Variants in RECQL4 observed in about 807,000 individuals in gnomAD.
The protein encoded by RECQL4 is ATP-dependent DNA helicase Q4.
A neutral mutation model predicts 128.6 loss-of-function variants in RECQL4; 158 were observed. The ratio of observed to expected loss-of-function variants is 1.23; its 90% CI spans 1.08 to 1.40. RECQL4 has a LOEUF of 1.40. Among genes scored for constraint, RECQL4 ranks in the 40% most tolerant of loss-of-function variants. The probability of loss-of-function intolerance (pLI) is 0.00; values close to 1 mark genes in which losing one functional copy is unlikely to be tolerated. For missense variants in RECQL4, 2,293 were observed against 1,649.8 expected (o/e 1.39, Z -6.75); for synonymous variants, 996 against 678.9 (o/e 1.47, Z -7.26).
At chr8:144,512,824 G>T (rs754632741) in intron 15 of RECQL4, 23 bp downstream of exon 15, 3 of 1,608,562 alleles carry the variant, frequency 1.9e-6, no homozygotes, top group African/African-American at 2.7e-5. Flanking sequence ...CCACACCCCT[G>T]TGGCTTACCC....
rs377594353 is a variant in RECQL4, at chr8:144,511,295, A to G, written c.*136T>C. Reference sequence around the variant, plus strand: ...ATTGGCCAAGAGGGCCCATAAAAACAAAGTGAGCATTTTTTATTCTGCATT... The same window carrying G: ...ATTGGCCAAGAGGGCCCATAAAAACGAAGTGAGCATTTTTTATTCTGCATT... On this transcript the variant is annotated 3_prime_UTR_variant, in exon 21 of 21. Transcript: ENST00000617875. The G allele has an allele frequency of 1.0e-5, 16 of 1,540,822 alleles. 1 individual carries two copies. In the East Asian group the frequency reaches 2.0e-4, roughly 20 times the overall value.
Position 144,516,463 on chromosome 8 carries a change from A to T in RECQL4, c.656T>A (p.Leu219His). 1 of 1,608,736 alleles carries T rather than the reference A, an allele frequency of 6.2e-7. No individual in the cohort carries two copies. Among genetic ancestry groups the T allele is most frequent in the Non-Finnish European group, 8.5e-7 (1 of 1,179,756 alleles). ...GACAGCCGACTCACCAGGGATCAGA[A>T]GTTGTGATTCCTCTGAGCCTAGATC... ...RPDLGSEESQ[L>H]LIPGESAVLG... Residue 219 changes from leucine to histidine, a missense_variant, in exon 5 of 21, where the codon CTT becomes CAT. Physicochemically the swap from Leu to His is moderately conservative, Grantham distance 99. Transcript: ENST00000617875.
rs1447984125 is a variant in RECQL4, at chr8:144,513,218, C to G, written c.2463G>C (p.Gln821His). 6.4e-7 allele frequency: 1 copy of G among 1,574,736 alleles called. No homozygotes were observed. The highest frequency in any genetic ancestry group is 8.6e-7 in the Non-Finnish European group (1 of 1,164,588). ...CAGTGTGGGGGGGGGGGGTGCCAAC[C>G]TGGGGCTGCAGGAAGAGGTGGCAGT... ...PAHCHLFLQP[Q>H]GEDLRELRRH... The change falls in exon 14 of 21, where the codon CAG becomes CAC. Residue 821 changes from glutamine (Q) to histidine (H), a missense_variant and splice_region_variant. Transcript: ENST00000617875.
Position 144,516,179 on chromosome 8 carries a change from G to C in RECQL4, c.940C>G (p.Pro314Ala), listed in dbSNP as rs538222166. ...QAQPPQPCSS[P>A]SNPRYHGLSP... ...AGTCCGTGGTACCTGGGGTTCGATGGGCTGCTGCAGGGCTGAGGTGGCTGT... is the reference window on the plus strand; with the variant it reads ...AGTCCGTGGTACCTGGGGTTCGATGCGCTGCTGCAGGGCTGAGGTGGCTGT... Residue 314 changes from proline (P) to alanine (A), a missense_variant, in exon 5 of 21, where the codon CCA becomes GCA. Physicochemically the swap from Pro to Ala is conservative, Grantham distance 27 (BLOSUM62 -1). Transcript: ENST00000617875. 1.2e-6 allele frequency: 2 copies of C among 1,613,482 alleles called. No homozygotes were observed. Among genetic ancestry groups the C allele is most frequent in the South Asian group, 1.1e-5 (1 of 91,090 alleles).
At position 144,512,312 on chromosome 8, in the gene RECQL4, C is replaced by T. The variant is rs764657835; in HGVS notation, c.3068G>A (p.Gly1023Glu). 1 of 1,612,424 alleles carries T rather than the reference C, an allele frequency of 6.2e-7. No individual in the cohort carries two copies. Among genetic ancestry groups the T allele is most frequent in the East Asian group, 2.2e-5 (1 of 44,888 alleles). ...DHEPRTGVRRGTGVLVEFSEL... is the reference protein window; with the variant it reads ...DHEPRTGVRRETGVLVEFSEL... ...ACTGAACTCCACAAGCACCCCTGTC[C>T]CACGCCGCACACCTGCCGGAAAGCA... Residue 1023 changes from glycine (G) to glutamate (E), a missense_variant, in exon 18 of 21, where the codon GGG becomes GAG. Transcript: ENST00000617875.
At position 144,512,852 on chromosome 8, in the gene RECQL4, T is replaced by G; in HGVS notation, c.2750A>C (p.Glu917Ala). 1 of 1,604,118 alleles carries G rather than the reference T, an allele frequency of 6.2e-7. No homozygotes were observed. Among genetic ancestry groups the G allele is most frequent in the Non-Finnish European group, 8.5e-7 (1 of 1,175,760 alleles). The change falls in exon 15 of 21, where the codon GAG becomes GCG. Residue 917 changes from glutamate (E) to alanine (A), a missense_variant. Physicochemically the swap from Glu to Ala is moderately radical, Grantham distance 107. Transcript: ENST00000617875. The stretch of plus-strand genomic sequence containing the variant: ...GCTTACCCCAGGTTCCTCACCCTCC[T>G]CCGGCATGTCCAAAGCCTGTACGGT... The part of the protein sequence containing the change: ...QLTVQALDMP[E>A]EAIETLLCYL...
Position 144,511,335 on chromosome 8 carries a change from T to C in RECQL4, c.*96A>G. On this transcript the variant is annotated 3_prime_UTR_variant, in exon 21 of 21. Transcript: ENST00000617875. ...TATTCTGCATTTTGGAGCCTCCTCG[T>C]TCCCACACCCTGTGGCAGGTTTTGC... 1.3e-6 allele frequency: 2 copies of C among 1,578,408 alleles called. No homozygotes were observed. Among genetic ancestry groups the C allele is most frequent in the Non-Finnish European group, 1.7e-6 (2 of 1,157,104 alleles).
chr8:144,514,609 A>G (rs994874381), intron 9 of RECQL4, 84 bp from the exon 10 acceptor site: 2 of 1,383,392 alleles, frequency 1.4e-6, no homozygotes, highest in African/African-American at 1.4e-5. Flanking sequence ...TGCCATGTCC[A>G]TCCTAGTCCC....
rs1000281324 is a variant in RECQL4, at chr8:144,513,003, C to T, written c.2599G>A (p.Ala867Thr). The stretch of plus-strand genomic sequence containing the variant: ...GGCACAGGCCTCTCCCCACCCACGG[C>T]CCCTTCCTGCTCCGAGGGCGGCCTG... ...CTRPPSEQEG[A>T]VGGERPVPKY... Residue 867 changes from alanine to threonine, a missense_variant, in exon 15 of 21, where the codon GCC becomes ACC. Ala to Thr is a moderately conservative substitution (Grantham distance 58, BLOSUM62 0). Coordinates refer to ENST00000617875, the MANE Select transcript of RECQL4 (RefSeq NM_004260.4). 1.3e-6 allele frequency: 2 copies of T among 1,570,476 alleles called. No homozygotes were observed. The highest frequency in any genetic ancestry group is 1.9e-5 in the Admixed American group (1 of 53,358).
At position 144,513,408 on chromosome 8, in the gene RECQL4, C is replaced by G. The variant is rs748416710; in HGVS notation, c.2273G>C (p.Arg758Pro). 2 of 1,608,612 alleles carry G rather than the reference C, an allele frequency of 1.2e-6. No homozygotes were observed. The highest frequency in any genetic ancestry group is 1.7e-5 in the Admixed American group (1 of 59,948). ...MCSRERRRVQ[R>P]AFMQGQLRVV... ...CCGCAACTGGCCCTGCATGAAGGCT[C>G]GCTGTACCCGCCGCCGTTCCCGGCT... The change falls in exon 14 of 21, where the codon CGA (arginine) becomes CCA (proline). Residue 758 changes from arginine (R) to proline (P), a missense_variant. Coordinates refer to ENST00000617875, the MANE Select transcript of RECQL4 (RefSeq NM_004260.4).
At chr8:144,511,639 C>CCAGCCT (rs1564787082) in intron 20 of RECQL4, 42 bp downstream of exon 20, 3 of 1,608,178 alleles carry the variant, frequency 1.9e-6, no homozygotes, top group Middle Eastern at 1.7e-4. Flanking sequence ...TGCCCCAGCC[C>CCAGCCT]CCAGCCCCAG....
rs751616549 is a variant in RECQL4, at chr8:144,515,188, C to T, written c.1445G>A (p.Arg482His). 27 of 1,567,296 alleles carry T rather than the reference C, an allele frequency of 1.7e-5. No homozygotes were observed. Among genetic ancestry groups the T allele is most frequent in the African/African-American group, 2.7e-5 (2 of 73,678 alleles). Reference sequence around the variant, plus strand: ...CATGACTGCACGCTCCTGCCCAGGGCGAAAGGCTTGGTGCCCCAGCTGCTC... The same window carrying T: ...CATGACTGCACGCTCCTGCCCAGGGTGAAAGGCTTGGTGCCCCAGCTGCTC... ...ALEQLGHQAF[R>H]PGQERAVMRI... Residue 482 changes from arginine to histidine, a missense_variant, in exon 8 of 21, where the codon CGC becomes CAC. By Grantham distance (29) the Arg-to-His change is conservative. Coordinates refer to ENST00000617875, the MANE Select transcript of RECQL4 (RefSeq NM_004260.4).
In RECQL4 at chr8:144,515,976, T is replaced by G. The variant is rs767404728; in HGVS notation, c.1131+12A>C. 1 of 1,610,708 alleles carries G rather than the reference T, an allele frequency of 6.2e-7. No homozygotes were observed. Among genetic ancestry groups the G allele is most frequent in the African/African-American group, 1.3e-5 (1 of 75,034 alleles). On this transcript the variant is annotated intron_variant, in intron 5 of 20. Coordinates refer to ENST00000617875, the MANE Select transcript of RECQL4 (RefSeq NM_004260.4). ...GAAAGGGAATGCCTGTCCTGGCCCG[T>G]CGCTGTCTTACCTGCTTGCGGAGGA...
rs1828003233 is a variant in RECQL4 at position 144,515,343 on chromosome 8, G to A, written c.1373C>T (p.Pro458Leu). Residue 458 changes from proline (P) to leucine (L), a missense_variant, in exon 7 of 21, where the codon CCC becomes CTC. Pro to Leu is a moderately conservative substitution (Grantham distance 98). Transcript: ENST00000617875. Reference protein sequence around the residue: ...PTVLPLYSLGPSGQLAETPAE... With the variant: ...PTVLPLYSLGLSGQLAETPAE... ...CTGCTCACCTGCCAACTGCCCTGAG[G>A]GCCCCAGGGAGTAGAGTGGCAGCAC... is the stretch of plus-strand genomic sequence containing the variant. The A allele has an allele frequency of 6.2e-7, 1 of 1,612,572 alleles. No homozygotes were observed. Among genetic ancestry groups the A allele is most frequent in the South Asian group, 1.1e-5 (1 of 91,070 alleles).
rs771005783 is a variant in RECQL4 at position 144,513,731 on chromosome 8, C to T, written c.2059-19G>A. ...ACAGTGCCTGATGAGGAGCGGTTGG[C>T]GTGGGCAGTGGGGAGTGAGGAGGGG... On this transcript the variant is annotated intron_variant, in intron 12 of 20. Coordinates refer to ENST00000617875, the MANE Select transcript of RECQL4 (RefSeq NM_004260.4). 5.2e-5 allele frequency: 69 copies of T among 1,315,250 alleles called. No individual in the cohort carries two copies. The highest frequency in any genetic ancestry group is 3.4e-4 in the South Asian group (27 of 79,254). The allele number at this position is 1,315,250 out of a possible 1,614,324, so 81.5% of individuals were successfully genotyped here. A position where few individuals can be genotyped will look rare whatever the true frequency, so the allele number is the denominator to read the frequency against.
rs745627867 is a variant in RECQL4 at position 144,516,465 on chromosome 8, TTG to T, written c.652_653del (p.Gln218ThrfsTer6). The T allele has an allele frequency of 1.2e-6, 2 of 1,608,520 alleles. No homozygotes were observed. Among genetic ancestry groups the T allele is most frequent in the African/African-American group, 1.3e-5 (1 of 74,936 alleles). On this transcript the variant is annotated frameshift_variant, in exon 5 of 21. Transcript: ENST00000617875. LOFTEE classifies it high-confidence loss of function. ...CRPDLGSEES[Q>X]LLIPGESAVL... ...CAGCCGACTCACCAGGGATCAGAAG[TTG>T]TGATTCCTCTGAGCCTAGATCAGGC...
In RECQL4 at chr8:144,512,456, G is replaced by A. The variant is rs999814906; in HGVS notation, c.2991C>T (p.Gly997=). Residue 997 remains glycine, a synonymous_variant, in exon 17 of 21, where the codon GGC becomes GGT. Coordinates refer to ENST00000617875, the MANE Select transcript of RECQL4 (RefSeq NM_004260.4). ...CCCGCCGCACAGAGGCCAGCTCCCA[G>A]CCCATGGAGTCCACCAGCTTGACCA... The part of the protein sequence containing the change: ...FDMVKLVDSM[G]WELASVRRAL... 2 of 1,611,896 alleles carry A rather than the reference G, an allele frequency of 1.2e-6. No individual in the cohort carries two copies. Among genetic ancestry groups the A allele is most frequent in the African/African-American group, 2.7e-5 (2 of 75,064 alleles).
rs2130745479 is a variant in RECQL4 at position 144,517,722 on chromosome 8, C to A, written c.63G>T (p.Gln21His). ...LQAWERAFRR[Q>H]RGRRPSQDDV... is the part of the protein sequence containing the mutation. ...GCACCTGGCTCGGTCGCCGCCCGCGCTGCCGTCGGAACGCGCGCTCCCACG... is the reference window on the plus strand; with the variant it reads ...GCACCTGGCTCGGTCGCCGCCCGCGATGCCGTCGGAACGCGCGCTCCCACG... Residue 21 changes from glutamine (Q) to histidine (H), a missense_variant, in exon 1 of 21, where the codon CAG (glutamine) becomes CAT (histidine). Transcript: ENST00000617875. 1 of 1,356,880 alleles carries A rather than the reference C, an allele frequency of 7.4e-7. No individual in the cohort carries two copies. The highest frequency in any genetic ancestry group is 1.7e-5 in the South Asian group (1 of 58,236). The allele number at this position is 1,356,880 out of a possible 1,614,324, so 84.1% of individuals were successfully genotyped here.
chr8:144,517,102 G>T lies in RECQL4; in HGVS notation c.302C>A (p.Ser101Ter). Residue 101 changes from serine (S) to a stop codon, truncating the protein, a stop_gained, in exon 4 of 21, where the codon TCG becomes TAG. Transcript: ENST00000617875. LOFTEE classifies it high-confidence loss of function. ...GAGCCGCTGCCCGTAGTCCGGCACC[G>T]AGCCCTGGCGGCTCCGCCCTGGCGT... The part of the protein sequence containing the change: ...QSTPGRSRQG[S>*]VPDYGQRLKA... 1 of 1,612,404 alleles carries T rather than the reference G, an allele frequency of 6.2e-7. No homozygotes were observed. Among genetic ancestry groups the T allele is most frequent in the Non-Finnish European group, 8.5e-7 (1 of 1,179,734 alleles).
Sources: allele counts gnomAD v4.1 joint callset, GRCh38; gene constraint gnomAD v4.1.1; transcripts MANE v1.5; gene names NCBI Gene and HGNC (gene_info 2026-07-23, HGNC 2026-07-21).